The following TMEM170A variants were observed in gnomAD, a reference collection of about 807,000 sequenced individuals.
TMEM170A encodes the protein transmembrane protein 170.
In TMEM170A, 18 loss-of-function variants were observed where a neutral mutation model predicts 12.8. The ratio of observed to expected loss-of-function variants is 1.41; its 90% CI spans 0.97 to 2.09. The LOEUF (loss-of-function observed/expected upper bound fraction) is 2.09. TMEM170A is among the 30% of genes most tolerant of loss of function. The pLI is 0.00. For synonymous variants in TMEM170A, 107 were observed against 76.2 expected (o/e 1.40, Z -2.11); for missense variants, 220 against 179.9 (o/e 1.22, Z -1.28).
intron 1 of TMEM170A, among the ~76,000 whole-genome samples, chr16:75,462,779 A>T (rs1228699548): frequency 6.6e-6 from 1 of 152,106 alleles, no homozygotes; most frequent in East Asian, 1.9e-4. Flanking sequence ...GAATATATAT[A>T]TTTTTTTAAG....
rs2079585777 is a variant in TMEM170A at position 75,446,292 on chromosome 16, G to C, written c.*1266C>G. 1.3e-5 allele frequency: 2 copies of C among 152,002 alleles called. No homozygotes were observed. Among genetic ancestry groups the C allele is most frequent in the Non-Finnish European group, 2.9e-5 (2 of 68,016 alleles). 9.4% of individuals were successfully genotyped at this position (152,002 alleles called of 1,614,324 possible). On this transcript the variant is annotated 3_prime_UTR_variant, in exon 3 of 3. Coordinates refer to ENST00000561878, the MANE Select transcript of TMEM170A (RefSeq NM_145254.3). ...CCATACAAAACAGTTTAGGTGGAAA[G>C]GATCACATTAAATACTTAATTTCTG...
chr16:75,460,421 G>T (rs1421136952), intron 1 of TMEM170A, among the ~76,000 whole-genome samples: 2 of 152,072 alleles, frequency 1.3e-5, no homozygotes, highest in Non-Finnish European at 2.9e-5. Context: ...TGCCGACACA[G>T]TCCCTCCAGG....
intron 1 of TMEM170A, among the ~76,000 whole-genome samples, chr16:75,454,159 G>C (rs992185048): frequency 3.0e-5 from 4 of 133,966 alleles, no homozygotes; most frequent in Non-Finnish European, 7.2e-5. Flanking sequence ...TTCATTGTGG[G>C]GGCTGCACTG....
At position 75,446,098 on chromosome 16, in the gene TMEM170A, C is replaced by T. The variant is rs2079580673; in HGVS notation, c.*1460G>A. 6.6e-6 allele frequency: 1 copy of T among 152,002 alleles called. No individual in the cohort carries two copies. The highest frequency in any genetic ancestry group is 1.5e-5 in the Non-Finnish European group (1 of 68,044). 9.4% of individuals were successfully genotyped at this position (152,002 alleles called of 1,614,324 possible). On this transcript the variant is annotated 3_prime_UTR_variant, in exon 3 of 3. Transcript: ENST00000561878. ...ACTGAGGCAGGAGAATCGCTTGAAC[C>T]CGGGTGGCAGAGGTTGGAGTGAGCT...
At position 75,447,577 on chromosome 16, in the gene TMEM170A, C is replaced by G; in HGVS notation, c.416G>C (p.Arg139Pro). The change falls in exon 3 of 3, where the codon CGG becomes CCG. Residue 139 changes from arginine to proline, a missense_variant. Transcript: ENST00000561878. ...TFCVLVVSFL[R>P]ILATL ...TGTATGCTATAGAGTAGCTAAAATCCGTAAAAAGGAGACCACCAAGACGCA... is the reference window on the plus strand; with the variant it reads ...TGTATGCTATAGAGTAGCTAAAATCGGTAAAAAGGAGACCACCAAGACGCA... The G allele has an allele frequency of 2.5e-6, 4 of 1,611,508 alleles. No homozygotes were observed. The highest frequency in any genetic ancestry group is 8.5e-7 in the Non-Finnish European group (1 of 1,179,094).
rs1408247670 is a variant in TMEM170A, at chr16:75,451,511, C to T, written c.304+158G>A. The T allele has an allele frequency of 4.2e-6, 3 of 721,188 alleles. No individual in the cohort carries two copies. The South Asian group carries it at 5.2e-5, about 13-fold the overall frequency. 44.7% of individuals were successfully genotyped at this position (721,188 alleles called of 1,614,324 possible). A position where few individuals can be genotyped will look rare whatever the true frequency, so the allele number is the denominator to read the frequency against. On this transcript the variant is annotated intron_variant, in intron 2 of 2. Coordinates refer to ENST00000561878, the MANE Select transcript of TMEM170A (RefSeq NM_145254.3). ...CTGCAGTGAGCCAATATTGCAACCA[C>T]TGCACTCCGGCCTTGGTGACATAGG...
At chr16:75,464,721 C>G, upstream of TMEM170A, 1 of 1,357,694 alleles carries the variant, frequency 7.4e-7, no homozygotes, top group Non-Finnish European at 9.7e-7. Context: ...CCCCCAATCC[C>G]AACGGCGCTG....
chr16:75,456,581 C>T lies in TMEM170A; in HGVS notation c.134-4742G>A, dbSNP rs187196607. ...GTCCTCAGGGTTTCAGCCCCCACCT[C>T]TTCCACAACAAACCCATATCCTCCT... On this transcript the variant is annotated intron_variant, in intron 1 of 2. Coordinates refer to ENST00000561878, the MANE Select transcript of TMEM170A (RefSeq NM_145254.3). Among the ~76,000 whole-genome samples, 559 of 152,316 alleles carry T rather than the reference C, an allele frequency of 3.7e-3. 3 individuals carry two copies. The highest frequency in any genetic ancestry group is 6.2e-3 in the Non-Finnish European group (420 of 68,022).
At position 75,464,689 on chromosome 16, in the gene TMEM170A, C is replaced by T. The variant is rs1156776422; in HGVS notation, c.-89G>A. 7 of 1,477,754 alleles carry T rather than the reference C, an allele frequency of 4.7e-6. No individual in the cohort carries two copies. Among genetic ancestry groups the T allele is most frequent in the Non-Finnish European group, 6.2e-6 (7 of 1,120,734 alleles). 91.5% of individuals were successfully genotyped at this position (1,477,754 alleles called of 1,614,324 possible). On this transcript the variant is annotated 5_prime_UTR_variant, in exon 1 of 3. Transcript: ENST00000561878. ...CGACTCACCCTCGCCGCCTCAGCGT[C>T]ACCTCCAGCCGGGGTCCTCTTCCCC...
intron 2 of TMEM170A, among the ~76,000 whole-genome samples, chr16:75,451,277 C>CA (rs1192087253): frequency 6.6e-6 from 1 of 152,038 alleles, no homozygotes; most frequent in Non-Finnish European, 1.5e-5. Flanking sequence ...GGGCCAGGCA[C>CA]AGTGGCTCAC....
intron 1 of TMEM170A, chr16:75,458,173 T>C (rs753385255): frequency 6.6e-6 from 1 of 152,256 alleles, no homozygotes; most frequent in Non-Finnish European, 1.5e-5. Context: ...AAAGCAAGTA[T>C]ATTACTTCGG....
chr16:75,446,220 A>G lies in TMEM170A; in HGVS notation c.*1338T>C, dbSNP rs2079583707. 1 of 151,612 alleles carries G rather than the reference A, an allele frequency of 6.6e-6. No individual in the cohort carries two copies. 9.4% of individuals were successfully genotyped at this position (151,612 alleles called of 1,614,324 possible). ...AAAAAGTCAGATTTAATCACCAGAA[A>G]CTATTTTGCAGATAACCACCACCAC... On this transcript the variant is annotated 3_prime_UTR_variant, in exon 3 of 3. Transcript: ENST00000561878.
chr16:75,451,015 A>T (rs1046958541), intron 2 of TMEM170A, among the ~76,000 whole-genome samples: 1 of 152,138 alleles, frequency 6.6e-6, no homozygotes, highest in Non-Finnish European at 1.5e-5. Context: ...CCACACCCAC[A>T]TGAGTGGAAG....
At chr16:75,451,332 T>A (rs552903416) in intron 2 of TMEM170A, 47 of 384,100 alleles carry the variant, frequency 1.2e-4, no homozygotes, top group African/African-American at 8.6e-4. Flanking sequence ...GGCAGATTGC[T>A]TGAGCTCAGG....
chr16:75,458,344 C>T (rs6564261), intron 1 of TMEM170A: 85,105 of 152,072 alleles, frequency 0.56, 24,986 homozygotes, highest in Admixed American at 0.69. Context: ...AACCTGTGAA[C>T]AGATTAACCC....
At position 75,444,760 on chromosome 16, in the gene TMEM170A, GA is replaced by G. The variant is rs1567693790; in HGVS notation, c.*2797del. ...GGAGAATACTTCACCTACTGGGATGGATGAAACACTCAGTAATTTGAAGATA... is the reference window on the plus strand; with the variant it reads ...GGAGAATACTTCACCTACTGGGATGGTGAAACACTCAGTAATTTGAAGATA... On this transcript the variant is annotated 3_prime_UTR_variant, in exon 3 of 3. Coordinates refer to ENST00000561878, the MANE Select transcript of TMEM170A (RefSeq NM_145254.3). 1.3e-5 allele frequency: 2 copies of G among 152,000 alleles called. No individual in the cohort carries two copies. The highest frequency in any genetic ancestry group is 2.9e-5 in the Non-Finnish European group (2 of 68,008). 9.4% of individuals were successfully genotyped at this position (152,000 alleles called of 1,614,324 possible). A position where few individuals can be genotyped will look rare whatever the true frequency, so the allele number is the denominator to read the frequency against.
chr16:75,456,827 G>A (rs2079807385), intron 1 of TMEM170A, among the ~76,000 whole-genome samples: 1 of 152,102 alleles, frequency 6.6e-6, no homozygotes, highest in Non-Finnish European at 1.5e-5. Context: ...AGAGTGGCCT[G>A]GCCTCCCAGC....
intron 2 of TMEM170A, among the ~76,000 whole-genome samples, chr16:75,449,783 G>T (rs945761025): frequency 1.3e-5 from 2 of 152,038 alleles, no homozygotes; most frequent in Non-Finnish European, 1.5e-5. Flanking sequence ...TGTTTCATTG[G>T]GCCCCTCCAA....
chr16:75,457,153 G>C (rs1475337446), intron 1 of TMEM170A, among the ~76,000 whole-genome samples: 1 of 152,106 alleles, frequency 6.6e-6, no homozygotes, highest in African/African-American at 2.4e-5. Flanking sequence ...GCTTCTGCTG[G>C]AGCTGCCAGA....
Sources: gnomAD v4.1 joint callset for allele counts (sites outside exome capture counted in the v4.1 genomes callset) on GRCh38, gnomAD v4.1.1 for gene constraint, MANE v1.5 for transcripts, NCBI Gene and HGNC (gene_info 2026-07-23, HGNC 2026-07-21) for gene names.